Variants in CHST8 observed in about 807,000 individuals in gnomAD.
CHST8 encodes carbohydrate sulfotransferase 8.
In CHST8, 10 loss-of-function variants were observed where a neutral mutation model predicts 15.0. That is an observed-to-expected ratio of 0.67 (90% CI 0.41 to 1.13). CHST8 has a LOEUF of 1.13. CHST8 is among the 50% of genes most tolerant of loss of function. The pLI is 0.00. For missense variants in CHST8, 634 were observed against 608.2 expected, an observed-to-expected ratio of 1.04 and a Z score of -0.45; for synonymous variants, 259 against 256.6, an observed-to-expected ratio of 1.01 and a Z score of -0.09.
chr19:33,655,942 T>C (rs1051754400), intron 1 of CHST8, among the ~76,000 whole-genome samples: 27 of 152,290 alleles, frequency 1.8e-4, no homozygotes, highest in African/African-American at 6.5e-4. Context: ...TTTTTCTAAT[T>C]TTTTAAGTTG....
chr19:33,681,697 ATTTTG>A (rs1422093675), intron 2 of CHST8, among the ~76,000 whole-genome samples: 1 of 152,138 alleles, frequency 6.6e-6, no homozygotes, highest in African/African-American at 2.4e-5. Context: ...TACAGCAGGT[ATTTTG>A]GATGAGGACT....
At chr19:33,719,675 G>C (rs112638261) in intron 3 of CHST8, among the ~76,000 whole-genome samples, 266 of 151,714 alleles carry the variant, frequency 1.8e-3, no homozygotes, top group African/African-American at 6.2e-3. Context: ...ACCCCAGGCT[G>C]TCTGGGTCCA....
At chr19:33,733,023 G>T (rs895296686) in intron 3 of CHST8, among the ~76,000 whole-genome samples, 1 of 152,008 alleles carries the variant, frequency 6.6e-6, no homozygotes, top group Non-Finnish European at 1.5e-5. Flanking sequence ...ATGATTGATT[G>T]GCTGCATGAC....
At chr19:33,633,866 A>G (rs1972157148) in intron 1 of CHST8, among the ~76,000 whole-genome samples, 1 of 150,832 alleles carries the variant, frequency 6.6e-6, no homozygotes, top group Non-Finnish European at 1.5e-5. Flanking sequence ...TGACGTGATC[A>G]TGGCTCACGG....
chr19:33,653,710 C>G (rs1972476511), intron 1 of CHST8, among the ~76,000 whole-genome samples: 1 of 152,156 alleles, frequency 6.6e-6, no homozygotes, highest in Non-Finnish European at 1.5e-5. Context: ...AACTCAGTTC[C>G]TCAGTTTACT....
intron 1 of CHST8, among the ~76,000 whole-genome samples, chr19:33,651,123 A>AT (rs1256788964): frequency 6.6e-6 from 1 of 152,240 alleles, no homozygotes; most frequent in African/African-American, 2.4e-5. Flanking sequence ...AATTTCTCTT[A>AT]TTTTTATTTG....
intron 3 of CHST8, among the ~76,000 whole-genome samples, chr19:33,714,192 C>A (rs1038764446): frequency 1.3e-5 from 2 of 152,168 alleles, no homozygotes; most frequent in African/African-American, 4.8e-5. Context: ...AAAAAAGACA[C>A]CTGCCTTATA....
chr19:33,678,087 G>A (rs181004223), intron 2 of CHST8, among the ~76,000 whole-genome samples: 2 of 152,328 alleles, frequency 1.3e-5, no homozygotes, highest in African/African-American at 4.8e-5. Context: ...GGTGTCAGGA[G>A]AGGGAGGAAG....
chr19:33,730,596 T>A (rs1326826247), intron 3 of CHST8, among the ~76,000 whole-genome samples: 1 of 152,178 alleles, frequency 6.6e-6, no homozygotes, highest in Non-Finnish European at 1.5e-5. Flanking sequence ...GGTTATTGGA[T>A]CTCACGCAAG....
chr19:33,646,885 A>G (rs1054086090), intron 1 of CHST8, among the ~76,000 whole-genome samples: 1 of 152,230 alleles, frequency 6.6e-6, no homozygotes, highest in African/African-American at 2.4e-5. Context: ...CTTGCACTCC[A>G]GCCTGGGTGA....
intron 3 of CHST8, among the ~76,000 whole-genome samples, chr19:33,762,626 T>C (rs1214217299): frequency 1.3e-5 from 2 of 152,244 alleles, no homozygotes; most frequent in East Asian, 3.8e-4. Flanking sequence ...ATTCAGCCCC[T>C]GCAAAGGGAA....
At chr19:33,684,359 G>A (rs974734094) in intron 2 of CHST8, among the ~76,000 whole-genome samples, 1 of 152,212 alleles carries the variant, frequency 6.6e-6, no homozygotes, top group African/African-American at 2.4e-5. Flanking sequence ...AGGGGCCTGG[G>A]TGTGCCAAGG....
At chr19:33,657,145 AC>A (rs1972518533) in intron 1 of CHST8, among the ~76,000 whole-genome samples, 1 of 150,334 alleles carries the variant, frequency 6.7e-6, no homozygotes, top group Admixed American at 6.8e-5. Context: ...ACACACACAC[AC>A]ACACACACAC....
chr19:33,763,228 C>T (rs1974771567), intron 3 of CHST8, among the ~76,000 whole-genome samples: 1 of 152,190 alleles, frequency 6.6e-6, no homozygotes, highest in Non-Finnish European at 1.5e-5. Flanking sequence ...CCAGGGTGGT[C>T]CTCCGCGTGG....
At chr19:33,725,911 C>T (rs898411563) in intron 3 of CHST8, among the ~76,000 whole-genome samples, 2 of 152,228 alleles carry the variant, frequency 1.3e-5, no homozygotes, top group African/African-American at 4.8e-5. Context: ...GACTTGCCCA[C>T]TGGAGACACT....
At chr19:33,705,811 G>A (rs1973435241) in intron 3 of CHST8, among the ~76,000 whole-genome samples, 1 of 152,140 alleles carries the variant, frequency 6.6e-6, no homozygotes, top group Admixed American at 6.5e-5. Flanking sequence ...CGCCTTCCCT[G>A]CTGCCTCTGT....
intron 1 of CHST8, among the ~76,000 whole-genome samples, chr19:33,629,172 T>C (rs1972093319): frequency 6.6e-6 from 1 of 152,186 alleles, no homozygotes; most frequent in Non-Finnish European, 1.5e-5. Context: ...GGGCCTCCAC[T>C]GGGGGAATGG....
intron 3 of CHST8, among the ~76,000 whole-genome samples, chr19:33,742,063 CA>C (rs561908875): frequency 8.0e-4 from 121 of 151,192 alleles, no homozygotes; most frequent in South Asian, 5.4e-3. Flanking sequence ...ATGTAAATGT[CA>C]AAAAAAAATC....
chr19:33,655,934 T>C (rs1271428574), intron 1 of CHST8, among the ~76,000 whole-genome samples: 1 of 152,208 alleles, frequency 6.6e-6, no homozygotes, highest in African/African-American at 2.4e-5. Context: ...TCTTGTTCTT[T>C]TTCTAATTTT....
Sources: gnomAD v4.1 joint callset for allele counts (sites outside exome capture counted in the v4.1 genomes callset) on GRCh38, gnomAD v4.1.1 for gene constraint, MANE v1.5 for transcripts, NCBI Gene and HGNC (gene_info 2026-07-23, HGNC 2026-07-21) for gene names.